The following CAMTA1 variants were observed in gnomAD, a reference collection of about 807,000 sequenced individuals.
The protein encoded by CAMTA1 is calmodulin binding transcription activator 1, also known as calmodulin-binding transcription activator 1.
In CAMTA1, 27 loss-of-function variants were observed where a neutral mutation model predicts 170.9. That is an observed-to-expected ratio of 0.16 (90% CI 0.12 to 0.22). The LOEUF is 0.22. Ranked by LOEUF, CAMTA1 falls within the 10% of genes least tolerant of loss-of-function variation. The probability of loss-of-function intolerance (pLI) is 1.00; values close to 1 mark genes in which losing one functional copy is unlikely to be tolerated. For missense variants in CAMTA1, 1,619 were observed against 2,217.2 expected, an observed-to-expected ratio of 0.73 and a Z score of 5.42; for synonymous variants, 833 against 891.5, an observed-to-expected ratio of 0.93 and a Z score of 1.17.
chr1:7,098,370 T>C (rs1463982313), intron 4 of CAMTA1, among the ~76,000 whole-genome samples: 3 of 152,246 alleles, frequency 2.0e-5, no homozygotes, highest in Non-Finnish European at 2.9e-5. Context: ...ATTTTTGTAA[T>C]GTATCACAAA....
At chr1:6,993,888 A>G (rs927251435) in intron 3 of CAMTA1, among the ~76,000 whole-genome samples, 2 of 152,162 alleles carry the variant, frequency 1.3e-5, no homozygotes, top group African/African-American at 4.8e-5. Context: ...CCATGTCGAC[A>G]TATATTTTCT....
chr1:7,236,540 T>C (rs1403108021), intron 4 of CAMTA1, among the ~76,000 whole-genome samples: 1 of 152,202 alleles, frequency 6.6e-6, no homozygotes, highest in Non-Finnish European at 1.5e-5. Flanking sequence ...GGCAATTCCC[T>C]GGTTCTCCCC....
chr1:7,703,592 G>C (rs1042799981), intron 11 of CAMTA1, among the ~76,000 whole-genome samples: 3 of 152,182 alleles, frequency 2.0e-5, no homozygotes, highest in African/African-American at 2.4e-5. Context: ...CGTTTGGGTA[G>C]GGTCAGAAAA....
At chr1:6,946,086 T>C (rs1419156548) in intron 3 of CAMTA1, among the ~76,000 whole-genome samples, 1 of 152,228 alleles carries the variant, frequency 6.6e-6, no homozygotes, top group Non-Finnish European at 1.5e-5. Context: ...ACTGCCAGCC[T>C]GTTTTCCAAA....
chr1:7,562,660 C>T lies in CAMTA1; in HGVS notation c.511-77740C>T, dbSNP rs1233771218. Among the ~76,000 whole-genome samples the T allele has an allele frequency of 2.0e-5, 3 of 152,208 alleles. No individual in the cohort carries two copies. The highest frequency in any genetic ancestry group is 4.4e-5 in the Non-Finnish European group (3 of 68,048). ...CGTCCGAAGAGATACCCAAATTGTA[C>T]GCCACTGCTCAGATGGTTTATCTGA... On this transcript the variant is annotated intron_variant, in intron 6 of 22. Transcript: ENST00000303635. This position sits in a 1 kb window ranked among gnomAD's most constrained non-coding sequence, Gnocchi z 4.8.
intron 21 of CAMTA1, among the ~76,000 whole-genome samples, chr1:7,755,367 G>A (rs2096924729): frequency 1.4e-5 from 2 of 141,984 alleles, no homozygotes; most frequent in South Asian, 4.6e-4. Flanking sequence ...AACCTCATAT[G>A]ACACCCTCTC....
chr1:7,723,484 A>G (rs1328369609), intron 11 of CAMTA1, among the ~76,000 whole-genome samples: 3 of 152,252 alleles, frequency 2.0e-5, no homozygotes, highest in Admixed American at 6.5e-5. Context: ...AGAACTCCAA[A>G]TAATATATGT....
At position 7,689,472 on chromosome 1, in the gene CAMTA1, G is replaced by A. The variant is rs544028146; in HGVS notation, c.2914+11739G>A. Among the ~76,000 whole-genome samples the A allele has an allele frequency of 6.7e-4, 102 of 152,034 alleles. 1 individual carries two copies. Among genetic ancestry groups the A allele is most frequent in the African/African-American group, 2.3e-3 (97 of 41,460 alleles). Reference sequence around the variant, plus strand: ...GTGGCACCTGTGGTCCCAGCTACTCGGGAGGCTGAGGCAGGAGGATCGCTT... The same window carrying A: ...GTGGCACCTGTGGTCCCAGCTACTCAGGAGGCTGAGGCAGGAGGATCGCTT... On this transcript the variant is annotated intron_variant, in intron 11 of 22. Coordinates refer to ENST00000303635, the MANE Select transcript of CAMTA1 (RefSeq NM_015215.4).
At chr1:7,369,004 A>G (rs891609360) in intron 5 of CAMTA1, 1 of 152,320 alleles carries the variant, frequency 6.6e-6, no homozygotes, top group South Asian at 2.1e-4. Context: ...CAAAGCTGAC[A>G]TGTTGCCCAA....
chr1:6,880,180 A>C (rs1441369629), intron 3 of CAMTA1, among the ~76,000 whole-genome samples: 2 of 151,798 alleles, frequency 1.3e-5, no homozygotes, highest in Non-Finnish European at 2.9e-5. Flanking sequence ...GTGACCTCAA[A>C]TGCCTAGGCT....
intron 3 of CAMTA1, among the ~76,000 whole-genome samples, chr1:6,835,098 T>C (rs190150125): frequency 6.6e-6 from 1 of 152,306 alleles, no homozygotes; most frequent in Admixed American, 6.5e-5. Context: ...GGTTCTTCTT[T>C]GGTGTCTTTT....
chr1:7,339,481 A>G (rs1303565482), intron 5 of CAMTA1, among the ~76,000 whole-genome samples: 2 of 152,176 alleles, frequency 1.3e-5, no homozygotes, highest in African/African-American at 2.4e-5. Flanking sequence ...ACACCCAGGC[A>G]TGTCTCCTTC....
chr1:7,323,097 TAA>T (rs60044992), intron 5 of CAMTA1, among the ~76,000 whole-genome samples: 2,951 of 151,954 alleles, frequency 0.019, 74 homozygotes, highest in African/African-American at 0.057. Flanking sequence ...TTCTATTTCT[TAA>T]GTTATTGTTT....
chr1:6,949,888 A>G (rs945942430), intron 3 of CAMTA1, among the ~76,000 whole-genome samples: 1 of 152,260 alleles, frequency 6.6e-6, no homozygotes, highest in Non-Finnish European at 1.5e-5. Context: ...CCTCACTGCC[A>G]GCCTCCGGGA....
chr1:7,165,652 G>A (rs775064677), intron 4 of CAMTA1, among the ~76,000 whole-genome samples: 4 of 152,086 alleles, frequency 2.6e-5, no homozygotes, highest in Admixed American at 6.5e-5. Flanking sequence ...GTCTGGTTTC[G>A]AACTGCTGAC....
At chr1:7,457,146 C>T (rs192720194) in intron 5 of CAMTA1, among the ~76,000 whole-genome samples, 1 of 149,750 alleles carries the variant, frequency 6.7e-6, no homozygotes, top group African/African-American at 2.5e-5. Context: ...TGGATCAACT[C>T]TTTCTCTAAA....
At chr1:7,662,522 A>C (rs1457257223) in intron 8 of CAMTA1, among the ~76,000 whole-genome samples, 1 of 152,142 alleles carries the variant, frequency 6.6e-6, no homozygotes, top group African/African-American at 2.4e-5. Flanking sequence ...TCAAAAGTAA[A>C]GTGACCCTTA....
intron 6 of CAMTA1, among the ~76,000 whole-genome samples, chr1:7,555,548 A>G (rs1487369487): frequency 1.3e-5 from 2 of 152,104 alleles, no homozygotes; most frequent in Admixed American, 1.3e-4. Flanking sequence ...CAGGGCCTGG[A>G]TATCCCAAGA....
intron 5 of CAMTA1, among the ~76,000 whole-genome samples, chr1:7,383,895 C>T (rs961160809): frequency 6.6e-6 from 1 of 152,046 alleles, no homozygotes; most frequent in Admixed American, 6.5e-5. Flanking sequence ...ACCCTCGGTG[C>T]GGGTATGCAG....
Sources: gnomAD v4.1 joint callset for allele counts (sites outside exome capture counted in the v4.1 genomes callset) on GRCh38, gnomAD v4.1.1 for gene constraint, Gnocchi (gnomAD v3.1) non-coding constraint, MANE v1.5 for transcripts, NCBI Gene and HGNC (gene_info 2026-07-23, HGNC 2026-07-21) for gene names.